Variants in CCSER1 observed in about 807,000 individuals in gnomAD.
The protein encoded by CCSER1 is serine-rich coiled-coil domain-containing protein 1.
In CCSER1, 41 loss-of-function variants were observed where a neutral mutation model predicts 82.0. The observed-to-expected ratio is 0.50, with a 90% CI of 0.39 to 0.65. The LOEUF is 0.65. CCSER1 is among the 30% of genes least tolerant of loss of function. The pLI is 0.00. For missense variants in CCSER1, 1,119 were observed against 1,064.2 expected, an observed-to-expected ratio of 1.05 and a Z score of -0.72; for synonymous variants, 414 against 383.9, an observed-to-expected ratio of 1.08 and a Z score of -0.92.
At chr4:91,416,093 A>G (rs2149377691) in intron 10 of CCSER1, among the ~76,000 whole-genome samples, 1 of 152,168 alleles carries the variant, frequency 6.6e-6, no homozygotes, top group East Asian at 1.9e-4. Context: ...TGGTCTATTC[A>G]GGGATTCAGT....
chr4:90,944,231 C>CA (rs36064861), intron 9 of CCSER1, among the ~76,000 whole-genome samples: 37,090 of 106,788 alleles, frequency 0.35, 6,094 homozygotes, highest in Non-Finnish European at 0.44. Context: ...GACTCCGCCT[C>CA]AAAAAAAAAA....
intron 4 of CCSER1, among the ~76,000 whole-genome samples, chr4:90,454,658 CTA>C (rs2153580180): frequency 6.6e-6 from 1 of 152,208 alleles, no homozygotes; most frequent in African/African-American, 2.4e-5. Flanking sequence ...GATTGGCACT[CTA>C]TGACATACAA....
At chr4:91,168,829 A>G (rs1223758344) in intron 10 of CCSER1, among the ~76,000 whole-genome samples, 2 of 152,204 alleles carry the variant, frequency 1.3e-5, no homozygotes, top group Non-Finnish European at 2.9e-5. Flanking sequence ...AAGTAGACAT[A>G]GGAGACTCCA....
chr4:90,605,520 T>G (rs368098608), intron 5 of CCSER1, among the ~76,000 whole-genome samples: 19 of 152,366 alleles, frequency 1.2e-4, no homozygotes, highest in East Asian at 7.7e-4. Flanking sequence ...TATATGCATG[T>G]AAGACTGTAC....
chr4:90,594,026 A>C (rs1783014282), intron 5 of CCSER1, among the ~76,000 whole-genome samples: 2 of 151,974 alleles, frequency 1.3e-5, no homozygotes. Flanking sequence ...TTTATTTTAG[A>C]AGCAGGAAAA....
rs527724941 is a variant in CCSER1, at chr4:90,236,489, T to C, written c.-41-71755T>C. The stretch of plus-strand genomic sequence containing the variant: ...TCTGCATCAAGGACTATTTTATTTT[T>C]CTTAAGGGCGAAACAATCTGTTTTC... On this transcript the variant is annotated intron_variant, in intron 1 of 10. Coordinates refer to ENST00000509176, the MANE Select transcript of CCSER1 (RefSeq NM_001145065.2). Among the ~76,000 whole-genome samples the C allele has an allele frequency of 2.9e-4, 44 of 152,310 alleles. 1 individual carries two copies. The South Asian group carries it at 4.8e-3, about 17-fold the overall frequency.
intron 9 of CCSER1, among the ~76,000 whole-genome samples, chr4:91,081,668 C>G (rs1413648850): frequency 6.6e-6 from 1 of 152,138 alleles, no homozygotes; most frequent in Non-Finnish European, 1.5e-5. Context: ...AAAACCCCAT[C>G]ATCTGAGCCC....
At chr4:90,419,674 G>C (rs772668637) in intron 4 of CCSER1, among the ~76,000 whole-genome samples, 6 of 151,880 alleles carry the variant, frequency 4.0e-5, no homozygotes, top group African/African-American at 1.4e-4. Context: ...AAGTATTGCT[G>C]TATTACAATG....
chr4:91,235,247 T>A (rs959704069), intron 10 of CCSER1, among the ~76,000 whole-genome samples: 18 of 152,166 alleles, frequency 1.2e-4, no homozygotes, highest in African/African-American at 4.3e-4. Context: ...CAAATTCATA[T>A]GGATTCATGA....
At chr4:90,303,330 C>G (rs1222684311) in intron 1 of CCSER1, among the ~76,000 whole-genome samples, 3 of 152,070 alleles carry the variant, frequency 2.0e-5, no homozygotes, top group Non-Finnish European at 4.4e-5. Context: ...CAAAAAAGAG[C>G]CTGCATCGCC....
intron 6 of CCSER1, among the ~76,000 whole-genome samples, chr4:90,691,846 C>G (rs944638716): frequency 1.1e-4 from 17 of 151,682 alleles, no homozygotes; most frequent in Non-Finnish European, 1.5e-4. Flanking sequence ...ATCCTCACCC[C>G]CATTCTACCT....
At chr4:90,575,623 A>T (rs1423149623) in intron 5 of CCSER1, among the ~76,000 whole-genome samples, 1 of 152,246 alleles carries the variant, frequency 6.6e-6, no homozygotes, top group East Asian at 1.9e-4. Flanking sequence ...CGTCAATGTT[A>T]CACAAGCCTC....
chr4:90,131,022 A>G (rs1292567255), intron 1 of CCSER1, among the ~76,000 whole-genome samples: 1 of 146,828 alleles, frequency 6.8e-6, no homozygotes, highest in Admixed American at 6.8e-5. Context: ...TTTGAGATGG[A>G]GTTTCGTTCT....
chr4:90,434,626 A>G (rs1041528454), intron 4 of CCSER1, among the ~76,000 whole-genome samples: 1 of 152,204 alleles, frequency 6.6e-6, no homozygotes, highest in African/African-American at 2.4e-5. Flanking sequence ...AAGCAGAAAC[A>G]TAAAAGACCA....
intron 8 of CCSER1, among the ~76,000 whole-genome samples, chr4:90,907,628 C>T (rs994854623): frequency 8.6e-5 from 13 of 151,934 alleles, no homozygotes; most frequent in Non-Finnish European, 1.9e-4. Context: ...TTCTAATCTG[C>T]GTATGAAAGT....
intron 5 of CCSER1, among the ~76,000 whole-genome samples, chr4:90,605,018 A>G (rs1480154954): frequency 1.3e-5 from 2 of 151,878 alleles, no homozygotes; most frequent in Admixed American, 6.6e-5. Flanking sequence ...CACGTGTGGG[A>G]GGTTTGTTCT....
intron 10 of CCSER1, among the ~76,000 whole-genome samples, chr4:91,188,811 C>G (rs991599229): frequency 1.3e-5 from 2 of 152,106 alleles, no homozygotes; most frequent in Non-Finnish European, 2.9e-5. Flanking sequence ...AAAATGTTAA[C>G]TGGGCTATAT....
intron 8 of CCSER1, among the ~76,000 whole-genome samples, chr4:90,875,806 C>T (rs1369255570): frequency 2.0e-5 from 3 of 152,072 alleles, no homozygotes; most frequent in African/African-American, 7.2e-5. Context: ...GCACAGGAAG[C>T]CTAGTCATTT....
chr4:91,538,698 C>CATATATTATATATATATATATATATATAT, intron 10 of CCSER1, among the ~76,000 whole-genome samples: 4 of 138,340 alleles, frequency 2.9e-5, no homozygotes, highest in South Asian at 2.3e-4. Context: ...TATATATACA[C>CATATATTATATATATATATATATATATAT]ATATATATAT....
Sources: allele counts gnomAD v4.1 joint callset (sites outside exome capture counted in the v4.1 genomes callset), GRCh38; gene constraint gnomAD v4.1.1; transcripts MANE v1.5; gene names NCBI Gene and HGNC (gene_info 2026-07-23, HGNC 2026-07-21).